AGAP4: variants seen among roughly 807,000 people sequenced by gnomAD.
AGAP4 encodes ArfGAP with GTPase domain, ankyrin repeat and PH domain 4, also known as arf-GAP with GTPase, ANK repeat and PH domain-containing protein 4.
A neutral mutation model predicts 60.7 loss-of-function variants in AGAP4; 13 were observed. The observed-to-expected ratio is 0.21, with a 90% confidence interval of 0.14 to 0.34. AGAP4 has a LOEUF of 0.34. Among genes scored for constraint, AGAP4 ranks in the 10% least tolerant of loss-of-function variants. The probability of loss-of-function intolerance (pLI) is 1.00; values close to 1 mark genes in which losing one functional copy is unlikely to be tolerated. For missense variants in AGAP4, 169 were observed against 884.0 expected, an observed-to-expected ratio of 0.19 and a Z score of 10.26; for synonymous variants, 70 against 339.0, an observed-to-expected ratio of 0.21 and a Z score of 8.72.
chr10:45,851,881 GAA>G (rs1369470415), upstream of AGAP4, among the ~76,000 whole-genome samples: 14 of 150,080 alleles, frequency 9.3e-5, no homozygotes, highest in Admixed American at 8.0e-4. Flanking sequence ...AAAGGTTTAG[GAA>G]AAGATCTTTT....
At chr10:45,829,851 A>C (rs2058702735) in intron 6 of AGAP4, among the ~76,000 whole-genome samples, 1 of 150,582 alleles carries the variant, frequency 6.6e-6, no homozygotes, top group African/African-American at 2.4e-5. Context: ...CAATACTTAA[A>C]GGCGTGTTAA....
At chr10:45,841,870 A>C (rs1373085516) in intron 3 of AGAP4, among the ~76,000 whole-genome samples, 183 bp from the exon 4 acceptor site, 2 of 151,906 alleles carry the variant, frequency 1.3e-5, no homozygotes, top group African/African-American at 2.4e-5. Context: ...AAATCTAAAA[A>C]CTTAGATTTT....
chr10:45,826,885 G>C lies in AGAP4; in HGVS notation c.1091C>G (p.Ser364Cys), dbSNP rs782000367. The C allele has an allele frequency of 1.6e-6, 2 of 1,272,738 alleles. No individual in the cohort carries two copies. Among genetic ancestry groups the C allele is most frequent in the Admixed American group, 1.9e-5 (1 of 53,984 alleles). 78.8% of individuals were successfully genotyped at this position (1,272,738 alleles called of 1,614,324 possible). ...ACCCAGCCCGGTGTCCATGTCCTTG[G>C]ATAGGCCATTGCTTTTAGAGGTGGA... ...PISTSKSNGL[S>C]KDMDTGLGDS... The change falls in exon 8 of 8, where the codon TCC becomes TGC. Residue 364 changes from serine to cysteine, a missense_variant. Ser to Cys is a moderately radical substitution (Grantham distance 112, BLOSUM62 -1). Transcript: ENST00000616763.
rs1163481198 is a variant in AGAP4, at chr10:45,845,535, T to A, written c.293-1141A>T. On this transcript the variant is annotated intron_variant, in intron 2 of 7. Transcript: ENST00000616763. Reference sequence around the variant, plus strand: ...TTAGAGGCAAACGAACTAATTGTTTTCTCTTTTCTACCGGCTCCCATCCCC... The same window carrying A: ...TTAGAGGCAAACGAACTAATTGTTTACTCTTTTCTACCGGCTCCCATCCCC... Among the ~76,000 whole-genome samples the A allele has an allele frequency of 1.1e-3, 129 of 113,894 alleles. 30 individuals carry two copies. The highest frequency in any genetic ancestry group is 5.8e-4 in the Non-Finnish European group (30 of 51,842). 74.7% of individuals were successfully genotyped at this position (113,894 alleles called of 152,430 possible).
At chr10:45,849,435 C>T (rs1302621008), upstream of AGAP4, among the ~76,000 whole-genome samples, 3 of 150,638 alleles carry the variant, frequency 2.0e-5, no homozygotes, top group East Asian at 6.0e-4. Context: ...AGAAGTCAAG[C>T]TTGGATGGGA....
intron 3 of AGAP4, 111 bp downstream of exon 3, chr10:45,844,215 T>C: frequency 4.6e-6 from 5 of 1,090,176 alleles, no homozygotes; most frequent in Non-Finnish European, 5.2e-6. Context: ...AGGGAACATG[T>C]GAAAAGATGA....
At chr10:45,853,091 C>T (rs2059103956) in intron 1 of AGAP4, among the ~76,000 whole-genome samples, 1 of 151,502 alleles carries the variant, frequency 6.6e-6, no homozygotes, top group Non-Finnish European at 1.5e-5. Context: ...GCTAAGAGAA[C>T]AGAAAAAATG....
At chr10:45,833,142 A>AT (rs2058759964) in intron 5 of AGAP4, among the ~76,000 whole-genome samples, 1 of 103,090 alleles carries the variant, frequency 9.7e-6, no homozygotes. Context: ...ACATTTAGTG[A>AT]TTACTCAATA....
intron 6 of AGAP4, among the ~76,000 whole-genome samples, chr10:45,830,489 G>T (rs1348786060): frequency 1.1e-5 from 1 of 92,082 alleles, no homozygotes; most frequent in African/African-American, 4.8e-5. Flanking sequence ...TGCTTTTTTT[G>T]TTTGTTTGTT....
chr10:45,831,399 T>C lies in AGAP4; in HGVS notation c.528A>G (p.Thr176=), dbSNP rs1447912639. 2 of 1,586,236 alleles carry C rather than the reference T, an allele frequency of 1.3e-6. No homozygotes were observed. Among genetic ancestry groups the C allele is most frequent in the African/African-American group, 2.7e-5 (2 of 73,608 alleles). The change falls in exon 6 of 8, where the codon ACA becomes ACG. Residue 176 remains threonine (T), a synonymous_variant. Coordinates refer to ENST00000616763, the MANE Select transcript of AGAP4 (RefSeq NM_001276343.3). ...SVTLEIPHHI[T]QRDADRSLSI... is the part of the protein sequence containing the mutation. ...CAGGTTTCTAAAAAGCTCACCTTTG[T>C]GTGATATGATGAGGTATCTCCAAGG...
At chr10:45,834,450 C>T (rs1590021982) in intron 4 of AGAP4, among the ~76,000 whole-genome samples, 1 of 138,310 alleles carries the variant, frequency 7.2e-6, no homozygotes, top group Admixed American at 7.0e-5. Context: ...TGGAGGCGGG[C>T]GGATCACGAG....
At chr10:45,840,151 T>TA (rs2058894036) in intron 4 of AGAP4, among the ~76,000 whole-genome samples, 1 of 147,778 alleles carries the variant, frequency 6.8e-6, no homozygotes. Context: ...GAGAGAGAGA[T>TA]TCTAAAAAGC....
At chr10:45,851,120 T>C (rs2059078457), upstream of AGAP4, among the ~76,000 whole-genome samples, 1 of 151,740 alleles carries the variant, frequency 6.6e-6, no homozygotes, top group South Asian at 2.1e-4. Context: ...TAAAATTCTG[T>C]TGTTCTCAGA....
chr10:45,843,296 CAAAAAA>C (rs1159354399), intron 3 of AGAP4, among the ~76,000 whole-genome samples: 1 of 1,898 alleles, frequency 5.3e-4, no homozygotes, highest in African/African-American at 7.0e-4. Flanking sequence ...GACTCCATTT[CAAAAAA>C]AAAAAAAAAG....
chr10:45,853,937 A>C (rs1590047902), upstream of AGAP4: 3 of 1,171,762 alleles, frequency 2.6e-6, no homozygotes, highest in East Asian at 1.8e-4. Context: ...AAGTTCATTC[A>C]TATATGTTTA....
At chr10:45,839,557 C>T (rs1157064027) in intron 4 of AGAP4, among the ~76,000 whole-genome samples, 7 of 129,550 alleles carry the variant, frequency 5.4e-5, no homozygotes, top group African/African-American at 1.9e-4. Context: ...CCTTTCCAGG[C>T]CTGCTTTTAC....
Position 45,825,916 on chromosome 10 carries a change from T to C in AGAP4, c.2060A>G (p.Ter687TrpextTer50). 1 of 1,311,124 alleles carries C rather than the reference T, an allele frequency of 7.6e-7. No homozygotes were observed. Among genetic ancestry groups the C allele is most frequent in the Non-Finnish European group, 1.0e-6 (1 of 970,798 alleles). The allele number at this position is 1,311,124 out of a possible 1,614,324, so 81.2% of individuals were successfully genotyped here. ...GACTGCAGTCAAATAAAACAGATAC[T>C]ACACACACTTGTCGGGGCAGCCGTA... is the stretch of plus-strand genomic sequence containing the variant. ...LQYGCPDKCV[*>W] Residue 687 changes from the stop codon to tryptophan (W), a stop_lost, in exon 8 of 8, where the codon TAG becomes TGG. Coordinates refer to ENST00000616763, the MANE Select transcript of AGAP4 (RefSeq NM_001276343.3).
upstream of AGAP4, among the ~76,000 whole-genome samples, chr10:45,849,675 T>C (rs1381826425): frequency 2.6e-5 from 4 of 151,364 alleles, no homozygotes; most frequent in Admixed American, 2.0e-4. Flanking sequence ...AGTTTCTCTC[T>C]TGTTGCCCAG....
upstream of AGAP4, chr10:45,847,531 A>G: frequency 1.3e-6 from 2 of 1,490,980 alleles, no homozygotes; most frequent in Non-Finnish European, 1.8e-6. Context: ...GGCCCCGGCT[A>G]GGGCTGCGGG....
Sources: allele counts gnomAD v4.1 joint callset (sites outside exome capture counted in the v4.1 genomes callset), GRCh38; gene constraint gnomAD v4.1.1; transcripts MANE v1.5; gene names NCBI Gene and HGNC (gene_info 2026-07-23, HGNC 2026-07-21).